The following ARHGAP10 variants were observed in gnomAD, a reference collection of about 807,000 sequenced individuals.
The protein encoded by ARHGAP10 is Rho GTPase activating protein 10, also known as rho GTPase-activating protein 10.
In ARHGAP10, 87 loss-of-function variants were observed where a neutral mutation model predicts 108.6. That is an observed-to-expected ratio of 0.80 (90% CI 0.67 to 0.96). The LOEUF (loss-of-function observed/expected upper bound fraction) is 0.96, where lower values mean the gene tolerates loss of function less well. ARHGAP10 is among the 40% of genes least tolerant of loss of function. The probability of loss-of-function intolerance (pLI) is 0.00; values close to 1 mark genes in which losing one functional copy is unlikely to be tolerated. For synonymous variants in ARHGAP10, 347 were observed against 341.1 expected (o/e 1.02, Z -0.19); for missense variants, 939 against 954.5 (o/e 0.98, Z 0.21).
At chr4:147,783,638 A>G (rs1730662191) in intron 1 of ARHGAP10, among the ~76,000 whole-genome samples, 1 of 145,942 alleles carries the variant, frequency 6.9e-6, no homozygotes. Flanking sequence ...TAAATTGTGT[A>G]TTGTATAATT....
intron 18 of ARHGAP10, among the ~76,000 whole-genome samples, chr4:148,002,528 G>C (rs1200882725): frequency 6.6e-6 from 1 of 152,200 alleles, no homozygotes; most frequent in Non-Finnish European, 1.5e-5. Flanking sequence ...ATTCGGCTGT[G>C]AATCCATCTG....
chr4:148,051,657 C>G (rs1194330330), intron 20 of ARHGAP10, among the ~76,000 whole-genome samples: 1 of 152,196 alleles, frequency 6.6e-6, no homozygotes, highest in Non-Finnish European at 1.5e-5. Flanking sequence ...ATTCCCCTCT[C>G]CCACCCACTG....
At chr4:147,858,923 C>T (rs1661608651) in intron 5 of ARHGAP10, among the ~76,000 whole-genome samples, 1 of 152,208 alleles carries the variant, frequency 6.6e-6, no homozygotes, top group Admixed American at 6.5e-5. Flanking sequence ...TTACACTCCC[C>T]ATCTAGTCCA....
At chr4:147,845,777 T>A (rs1418772454) in intron 3 of ARHGAP10, among the ~76,000 whole-genome samples, 1 of 152,178 alleles carries the variant, frequency 6.6e-6, no homozygotes, top group Non-Finnish European at 1.5e-5. Context: ...CCTTAAGTTA[T>A]CTATGAGACA....
chr4:147,796,757 C>G (rs756409198), intron 1 of ARHGAP10, among the ~76,000 whole-genome samples: 3 of 152,156 alleles, frequency 2.0e-5, no homozygotes, highest in Admixed American at 6.5e-5. Flanking sequence ...AATCTCCTGA[C>G]CTTGTGATCC....
At chr4:148,002,683 T>G (rs56316266) in intron 18 of ARHGAP10, among the ~76,000 whole-genome samples, 16,671 of 152,208 alleles carry the variant, frequency 0.11, 1,575 homozygotes, top group African/African-American at 0.26. Context: ...TCTTCTAGAT[T>G]TTCTAGTTTA....
intron 9 of ARHGAP10, among the ~76,000 whole-genome samples, chr4:147,880,905 C>T (rs1272986313): frequency 4.0e-3 from 2 of 500 alleles, no homozygotes; most frequent in Non-Finnish European, 8.5e-3. Flanking sequence ...TAAATTTTTA[C>T]ACTAAAAAAA....
At chr4:147,743,135 G>A (rs1728760331) in intron 1 of ARHGAP10, among the ~76,000 whole-genome samples, 1 of 151,474 alleles carries the variant, frequency 6.6e-6, no homozygotes, top group South Asian at 2.1e-4. Context: ...CTGGGTTCAA[G>A]CGATTCTCCT....
rs544155465 is a variant in ARHGAP10 at position 148,055,915 on chromosome 4, G to A, written c.2028-7233G>A. On this transcript the variant is annotated intron_variant, in intron 20 of 22. Transcript: ENST00000336498. ...TGAAGATGGAGGGGATTCTCCATCC[G>A]AATTGTCTTCATCTCCCCCAAACCC... is the stretch of plus-strand genomic sequence containing the variant. Among the ~76,000 whole-genome samples, 27 of 152,172 alleles carry A rather than the reference G, an allele frequency of 1.8e-4. No individual in the cohort carries two copies. In the South Asian group the frequency reaches 4.1e-3, roughly 23 times the overall value.
intron 18 of ARHGAP10, among the ~76,000 whole-genome samples, chr4:148,021,289 C>G (rs549169755): frequency 1.6e-4 from 25 of 152,162 alleles, no homozygotes; most frequent in Non-Finnish European, 3.4e-4. Context: ...CCCCAACACC[C>G]TCACTTCAAA....
chr4:147,887,731 G>A (rs553145091), intron 10 of ARHGAP10, among the ~76,000 whole-genome samples: 10 of 151,920 alleles, frequency 6.6e-5, no homozygotes, highest in East Asian at 1.9e-4. Flanking sequence ...GTGTGGTGGC[G>A]GGCGCTTGTA....
chr4:148,024,805 T>C (rs527398054), intron 19 of ARHGAP10, among the ~76,000 whole-genome samples: 1 of 152,330 alleles, frequency 6.6e-6, no homozygotes, highest in South Asian at 2.1e-4. Context: ...TGTTTTGAAT[T>C]GCACCTTCTC....
At chr4:148,027,640 A>T (rs1727933307) in intron 19 of ARHGAP10, among the ~76,000 whole-genome samples, 1 of 152,242 alleles carries the variant, frequency 6.6e-6, no homozygotes, top group South Asian at 2.1e-4. Context: ...TAGGACAAAT[A>T]TGTCATATAT....
At chr4:147,740,683 T>G (rs1321293936) in intron 1 of ARHGAP10, among the ~76,000 whole-genome samples, 2 of 152,192 alleles carry the variant, frequency 1.3e-5, no homozygotes, top group Non-Finnish European at 1.5e-5. Context: ...TCTCTCAATC[T>G]CCACCTTCCT....
intron 1 of ARHGAP10, among the ~76,000 whole-genome samples, chr4:147,746,035 G>A (rs185738819): frequency 1.0e-3 from 157 of 151,928 alleles, no homozygotes; most frequent in Non-Finnish European, 1.9e-3. Context: ...TGATCTTCCC[G>A]CCTCTGCCTC....
intron 1 of ARHGAP10, among the ~76,000 whole-genome samples, chr4:147,750,977 A>T (rs919894056): frequency 4.6e-5 from 7 of 151,928 alleles, no homozygotes; most frequent in Non-Finnish European, 1.0e-4. Flanking sequence ...CAGGAGTTGG[A>T]GACTAGCCTG....
intron 8 of ARHGAP10, among the ~76,000 whole-genome samples, chr4:147,875,732 C>T (rs761869349): frequency 1.3e-5 from 2 of 152,134 alleles, no homozygotes; most frequent in Non-Finnish European, 2.9e-5. Context: ...AAAGATATTC[C>T]TACGTGGCAT....
chr4:148,064,392 C>T, intron 21 of ARHGAP10, 24 bp from the exon 22 acceptor site: 3 of 1,608,844 alleles, frequency 1.9e-6, no homozygotes, highest in Non-Finnish European at 2.5e-6. Flanking sequence ...TCATTGGTGT[C>T]TTTTGTATTC....
chr4:147,986,986 A>G (rs1425314757), intron 18 of ARHGAP10, among the ~76,000 whole-genome samples: 4 of 152,208 alleles, frequency 2.6e-5, no homozygotes, highest in African/African-American at 9.6e-5. Context: ...TGACTGTTTA[A>G]TAGGCTACAC....
Sources: gnomAD v4.1 joint callset for allele counts (sites outside exome capture counted in the v4.1 genomes callset) on GRCh38, gnomAD v4.1.1 for gene constraint, MANE v1.5 for transcripts, NCBI Gene and HGNC (gene_info 2026-07-23, HGNC 2026-07-21) for gene names.